The following GLG1 variants were observed in gnomAD, a reference collection of about 807,000 sequenced individuals.
The protein encoded by GLG1 is Golgi apparatus protein 1.
A neutral mutation model predicts 160.5 loss-of-function variants in GLG1; 38 were observed. The observed-to-expected ratio is 0.24, with a 90% confidence interval of 0.18 to 0.31. The LOEUF is 0.31. GLG1 is among the 10% of genes least tolerant of loss of function. The pLI is 1.00. For missense variants in GLG1, 1,373 were observed against 1,505.2 expected, an observed-to-expected ratio of 0.91 and a Z score of 1.45; for synonymous variants, 644 against 543.4, an observed-to-expected ratio of 1.19 and a Z score of -2.57.
chr16:74,595,736 TTC>T (rs1487896030), intron 1 of GLG1, among the ~76,000 whole-genome samples: 1 of 152,260 alleles, frequency 6.6e-6, no homozygotes, highest in Non-Finnish European at 1.5e-5. Flanking sequence ...ATTTTATGTT[TTC>T]TAGTAGTCAT....
At chr16:74,453,922 T>C (rs2014425078) in intron 25 of GLG1, among the ~76,000 whole-genome samples, 1 of 151,784 alleles carries the variant, frequency 6.6e-6, no homozygotes, top group Non-Finnish European at 1.5e-5. Flanking sequence ...ACCCAGGCAT[T>C]GTGCAGTGGC....
At chr16:74,484,837 C>T (rs528135669) in intron 9 of GLG1, among the ~76,000 whole-genome samples, 78 of 152,118 alleles carry the variant, frequency 5.1e-4, no homozygotes, top group Non-Finnish European at 8.1e-4. Context: ...AGGCTCATCT[C>T]GAACTCTGGA....
At chr16:74,593,430 CTTT>C (rs11342633) in intron 1 of GLG1, among the ~76,000 whole-genome samples, 47 of 96,348 alleles carry the variant, frequency 4.9e-4, no homozygotes, top group African/African-American at 1.2e-3. Context: ...AGTACCAGAG[CTTT>C]TTTTTTTTTT....
In GLG1 at chr16:74,491,031, C is replaced by T; in HGVS notation, c.1419G>A (p.Lys473=). The stretch of plus-strand genomic sequence containing the variant: ...GCTGGCAGTTCATTCCAAGGTTCCC[C>T]TTCTCCCCTCGAACTACTTTCATCA... ...HCLMKVVRGE[K]GNLGMNCQQA... is the part of the protein sequence containing the mutation. Residue 473 remains lysine, a synonymous_variant, in exon 8 of 26, where the codon AAG becomes AAA. Transcript: ENST00000422840. 6.2e-7 allele frequency: 1 copy of T among 1,614,062 alleles called. No individual in the cohort carries two copies. Among genetic ancestry groups the T allele is most frequent in the Non-Finnish European group, 8.5e-7 (1 of 1,179,902 alleles).
intron 15 of GLG1, 39 bp downstream of exon 15, chr16:74,471,134 G>C: frequency 2.0e-6 from 2 of 1,009,474 alleles, no homozygotes; most frequent in Non-Finnish European, 3.2e-6. Context: ...CAACATCCAG[G>C]CAGCTATGAT....
rs373127217 is a variant in GLG1 at position 74,470,093 on chromosome 16, A to G, written c.2230-20T>C. ...CTGCACCTGAAAGGTAAAGAGAAAG[A>G]AAGTCAGAAGTTTTGTGGCAACTTG... On this transcript the variant is annotated intron_variant, in intron 15 of 25. Coordinates refer to ENST00000422840, the MANE Select transcript of GLG1 (RefSeq NM_001145667.2). 8.0e-5 allele frequency: 123 copies of G among 1,529,342 alleles called. 1 individual carries two copies. The highest frequency in any genetic ancestry group is 9.2e-5 in the Non-Finnish European group (102 of 1,104,678). The allele number at this position is 1,529,342 out of a possible 1,614,324, so 94.7% of individuals were successfully genotyped here.
At chr16:74,511,795 T>C (rs1429273231) in intron 2 of GLG1, among the ~76,000 whole-genome samples, 1 of 152,128 alleles carries the variant, frequency 6.6e-6, no homozygotes, top group Non-Finnish European at 1.5e-5. Context: ...ACCATTTAGA[T>C]TTTTTGAATG....
At position 74,531,916 on chromosome 16, in the gene GLG1, C is replaced by T. The variant is rs183783975; in HGVS notation, c.471+205G>A. Reference sequence around the variant, plus strand: ...CTGTAACTGAAGAAAAACTTAAGTACGTAAATATTATTTGGGAGAACCTGC... The same window carrying T: ...CTGTAACTGAAGAAAAACTTAAGTATGTAAATATTATTTGGGAGAACCTGC... On this transcript the variant is annotated intron_variant, in intron 2 of 25. Coordinates refer to ENST00000422840, the MANE Select transcript of GLG1 (RefSeq NM_001145667.2). Among the ~76,000 whole-genome samples the T allele has an allele frequency of 1.4e-3, 212 of 152,162 alleles. 2 individuals carry two copies. The highest frequency in any genetic ancestry group is 1.9e-4 in the East Asian group (1 of 5,186).
intron 2 of GLG1, among the ~76,000 whole-genome samples, chr16:74,514,773 C>A (rs1427513208): frequency 2.6e-5 from 4 of 152,150 alleles, no homozygotes; most frequent in African/African-American, 9.7e-5. Context: ...ATGACAGGAT[C>A]AAATTCACAC....
intron 1 of GLG1, among the ~76,000 whole-genome samples, chr16:74,538,391 G>T (rs1335932717): frequency 6.6e-6 from 1 of 152,130 alleles, no homozygotes; most frequent in Non-Finnish European, 1.5e-5. Context: ...CAATGACAAT[G>T]AAGATAATGT....
chr16:74,547,502 T>C (rs934932682), intron 1 of GLG1, among the ~76,000 whole-genome samples: 1 of 152,206 alleles, frequency 6.6e-6, no homozygotes, highest in Non-Finnish European at 1.5e-5. Context: ...ACATTTAGCA[T>C]TCTTTTGGAA....
chr16:74,595,286 C>G (rs1958272622), intron 1 of GLG1, among the ~76,000 whole-genome samples: 1 of 151,624 alleles, frequency 6.6e-6, no homozygotes, highest in Admixed American at 6.6e-5. Context: ...GCCTGTAATC[C>G]CAGCACTTTG....
chr16:74,472,745 A>C (rs1320332804), intron 13 of GLG1: 3 of 419,000 alleles, frequency 7.2e-6, no homozygotes, highest in Non-Finnish European at 1.4e-5. Flanking sequence ...AAGTAGTTCA[A>C]AATGAAAACA....
chr16:74,529,630 A>G (rs1255062314), intron 2 of GLG1, among the ~76,000 whole-genome samples: 1 of 151,816 alleles, frequency 6.6e-6, no homozygotes, highest in Non-Finnish European at 1.5e-5. Context: ...GCCATTTCTG[A>G]TAGCATGCGG....
rs1203939579 is a variant in GLG1 at position 74,452,583 on chromosome 16, G to A, written c.*584C>T. The A allele has an allele frequency of 1.0e-6, 1 of 999,886 alleles. No homozygotes were observed. The highest frequency in any genetic ancestry group is 1.2e-6 in the Non-Finnish European group (1 of 838,136). 61.9% of individuals were successfully genotyped at this position (999,886 alleles called of 1,614,324 possible). A position where few individuals can be genotyped will look rare whatever the true frequency, so the allele number is the denominator to read the frequency against. On this transcript the variant is annotated 3_prime_UTR_variant, in exon 26 of 26. Transcript: ENST00000422840. The stretch of plus-strand genomic sequence containing the variant: ...AGAAAGCAGGACCCCACACAGCCTG[G>A]GGAACGGCTGCCCACCCACGCCTCG...
intron 5 of GLG1, 94 bp from the exon 6 acceptor site, chr16:74,494,925 T>C (rs1037889360): frequency 2.8e-5 from 19 of 674,148 alleles, no homozygotes; most frequent in Non-Finnish European, 4.3e-5. Flanking sequence ...TATTAAACGA[T>C]TATAATCGTA....
Position 74,463,337 on chromosome 16 carries a change from A to G in GLG1, c.2791+19T>C, listed in dbSNP as rs2014874782. The stretch of plus-strand genomic sequence containing the variant: ...TTCAGATACTCCACGGGGCCAGGAG[A>G]GCCAAGCCAAGATCTTACCTGTGTT... On this transcript the variant is annotated intron_variant, in intron 20 of 25. Coordinates refer to ENST00000422840, the MANE Select transcript of GLG1 (RefSeq NM_001145667.2). 6.2e-7 allele frequency: 1 copy of G among 1,612,832 alleles called. No homozygotes were observed. Among genetic ancestry groups the G allele is most frequent in the Non-Finnish European group, 8.5e-7 (1 of 1,178,964 alleles).
At chr16:74,464,668 G>C (rs955287274) in intron 19 of GLG1, among the ~76,000 whole-genome samples, 1 of 152,078 alleles carries the variant, frequency 6.6e-6, no homozygotes, top group African/African-American at 2.4e-5. Flanking sequence ...TCACATCAGA[G>C]CCTGACATTT....
At chr16:74,477,760 G>A (rs1437069513) in intron 11 of GLG1, among the ~76,000 whole-genome samples, 3 of 151,964 alleles carry the variant, frequency 2.0e-5, no homozygotes, top group Admixed American at 6.6e-5. Flanking sequence ...GATCACCTGA[G>A]GTCGGGAGTT....
Sources: allele counts gnomAD v4.1 joint callset (sites outside exome capture counted in the v4.1 genomes callset), GRCh38; gene constraint gnomAD v4.1.1; transcripts MANE v1.5; gene names NCBI Gene and HGNC (gene_info 2026-07-23, HGNC 2026-07-21).